Variants in TMPRSS4 observed in about 807,000 individuals in gnomAD.
The protein encoded by TMPRSS4 is transmembrane protease serine 4.
In TMPRSS4, 45 loss-of-function variants were observed where a neutral mutation model predicts 56.4. The ratio of observed to expected loss-of-function variants is 0.80; its 90% CI spans 0.63 to 1.02. TMPRSS4 has a LOEUF of 1.02. Among genes scored for constraint, TMPRSS4 ranks in the 50% least tolerant of loss-of-function variants. The pLI, the probability that TMPRSS4 is intolerant of heterozygous loss-of-function variation, is 0.00. For synonymous variants in TMPRSS4, 205 were observed against 211.0 expected (o/e 0.97, Z 0.25); for missense variants, 546 against 556.7 (o/e 0.98, Z 0.19).
At chr11:118,125,224 T>C, downstream of TMPRSS4, 1 of 455,136 alleles carries the variant, frequency 2.2e-6, no homozygotes, top group South Asian at 1.6e-5. Context: ...GTCTGTGGGG[T>C]AAATGTTGAA....
chr11:118,111,777 G>A lies in TMPRSS4; in HGVS notation c.620G>A (p.Gly207Asp), dbSNP rs1947289344. Reference protein sequence around the residue: ...GKSLKTPRVVGVEEASVDSWP... With the variant: ...GKSLKTPRVVDVEEASVDSWP... ...AGCCTGAAGACCCCCCGTGTGGTGG[G>A]TGTGGAGGAGGCCTCTGTGGATTCT... The change falls in exon 8 of 13, where the codon GGT becomes GAT. Residue 207 changes from glycine to aspartate, a missense_variant. By Grantham distance (94) the Gly-to-Asp change is moderately conservative. Transcript: ENST00000437212. 1 of 1,601,736 alleles carries A rather than the reference G, an allele frequency of 6.2e-7. No homozygotes were observed. The highest frequency in any genetic ancestry group is 8.5e-7 in the Non-Finnish European group (1 of 1,174,614).
intron 1 of TMPRSS4, among the ~76,000 whole-genome samples, chr11:118,081,309 C>T (rs549875190): frequency 1.3e-5 from 2 of 152,306 alleles, no homozygotes; most frequent in Admixed American, 6.5e-5. Context: ...TGAGCCTGCC[C>T]GGAAACCCTG....
At chr11:118,092,045 T>C (rs1946005824) in intron 1 of TMPRSS4, among the ~76,000 whole-genome samples, 1 of 151,680 alleles carries the variant, frequency 6.6e-6, no homozygotes, top group South Asian at 2.1e-4. Flanking sequence ...TGAGAAAGAG[T>C]GGCTAATTAA....
At chr11:118,099,479 GAA>G (rs112136667) in intron 3 of TMPRSS4, among the ~76,000 whole-genome samples, 3,835 of 13,280 alleles carry the variant, frequency 0.29, 147 homozygotes, top group African/African-American at 0.39. Flanking sequence ...AAGAAAGAAA[GAA>G]AAAGAAAGAA....
chr11:118,103,306 C>A (rs1946817220), intron 4 of TMPRSS4, 53 bp downstream of exon 4: 1 of 1,586,950 alleles, frequency 6.3e-7, no homozygotes, highest in Non-Finnish European at 8.6e-7. Context: ...GAGGTCTGCT[C>A]AGGCCCCCAC....
Position 118,114,890 on chromosome 11 carries a change from C to T in TMPRSS4, c.972C>T (p.Leu324=), listed in dbSNP as rs1565440776. 2 of 1,607,916 alleles carry T rather than the reference C, an allele frequency of 1.2e-6. No individual in the cohort carries two copies. The highest frequency in any genetic ancestry group is 1.7e-6 in the Non-Finnish European group (2 of 1,177,258). The change falls in exon 10 of 13, where the codon CTC becomes CTT. Residue 324 remains leucine, a synonymous_variant. Transcript: ENST00000437212. ...FDEELTPATP[L]WIIGWGFTKQ... ...AGGAGCTCACTCCAGCCACCCCACT[C>T]TGGATCATTGGATGGGGCTTTACGA...
Position 118,119,288 on chromosome 11 carries a change from G to A in TMPRSS4, c.*1375G>A, listed in dbSNP as rs12576605. ...AAACCTGGACACACTGAAGACAAGG[G>A]AGCTGAACCAGGGCTCCTACATGAA... On this transcript the variant is annotated 3_prime_UTR_variant, in exon 13 of 13. Coordinates refer to ENST00000437212, the MANE Select transcript of TMPRSS4 (RefSeq NM_019894.4). The A allele has an allele frequency of 1.5e-4, 149 of 985,226 alleles. No individual in the cohort carries two copies. Among genetic ancestry groups the A allele is most frequent in the Non-Finnish European group, 1.7e-4 (143 of 829,920 alleles). The allele number at this position is 985,226 out of a possible 1,614,324, so 61.0% of individuals were successfully genotyped here.
chr11:118,104,652 GC>G, intron 4 of TMPRSS4, 38 bp from the exon 5 acceptor site: 1 of 1,613,514 alleles, frequency 6.2e-7, no homozygotes, highest in Non-Finnish European at 8.5e-7. Flanking sequence ...GGCCAGTTGG[GC>G]CCCCCGTTCC....
At chr11:118,109,863 A>G (rs565473636) in intron 7 of TMPRSS4, among the ~76,000 whole-genome samples, 23 of 152,310 alleles carry the variant, frequency 1.5e-4, no homozygotes, top group African/African-American at 5.5e-4. Flanking sequence ...AGTGCGTGGG[A>G]TCTGACACGT....
chr11:118,114,745 C>A, intron 9 of TMPRSS4, 84 bp from the exon 10 acceptor site: 1 of 1,364,774 alleles, frequency 7.3e-7, no homozygotes, highest in Non-Finnish European at 1.0e-6. Flanking sequence ...GCAAGATCCC[C>A]ATAATCATAA....
At chr11:118,092,298 G>A (rs1565417672) in intron 1 of TMPRSS4, among the ~76,000 whole-genome samples, 1 of 152,208 alleles carries the variant, frequency 6.6e-6, no homozygotes, top group Non-Finnish European at 1.5e-5. Context: ...GTGGGAGACT[G>A]GAGTTTTATT....
chr11:118,117,569 AAC>A, intron 12 of TMPRSS4, 115 bp downstream of exon 12: 2 of 1,501,824 alleles, frequency 1.3e-6, no homozygotes, highest in Non-Finnish European at 8.9e-7. Context: ...CATCCCAAAT[AAC>A]TTTCCCTCCA....
At chr11:118,079,371 C>T (rs1944953182) in intron 1 of TMPRSS4, among the ~76,000 whole-genome samples, 1 of 152,078 alleles carries the variant, frequency 6.6e-6, no homozygotes. Context: ...GTCCTTTGAG[C>T]TGCTGCGTCT....
intron 1 of TMPRSS4, among the ~76,000 whole-genome samples, chr11:118,090,575 G>A (rs1249916837): frequency 6.8e-6 from 1 of 147,438 alleles, no homozygotes; most frequent in Non-Finnish European, 1.5e-5. Flanking sequence ...CCAGGAGTTC[G>A]AGACCAGCCT....
At chr11:118,088,189 G>A (rs913993695) in intron 1 of TMPRSS4, 1 of 152,218 alleles carries the variant, frequency 6.6e-6, no homozygotes, top group Non-Finnish European at 1.5e-5. Context: ...CCAGAAACCC[G>A]GCCCAAAGGG....
At position 118,111,776 on chromosome 11, in the gene TMPRSS4, G is replaced by A; in HGVS notation, c.619G>A (p.Gly207Ser). 6.2e-7 allele frequency: 1 copy of A among 1,600,640 alleles called. No individual in the cohort carries two copies. The highest frequency in any genetic ancestry group is 8.5e-7 in the Non-Finnish European group (1 of 1,174,276). The change falls in exon 8 of 13, where the codon GGT becomes AGT. Residue 207 changes from glycine to serine, a missense_variant. Physicochemically the swap from Gly to Ser is moderately conservative, Grantham distance 56 (BLOSUM62 0). Transcript: ENST00000437212. Reference sequence around the variant, plus strand: ...GAGCCTGAAGACCCCCCGTGTGGTGGGTGTGGAGGAGGCCTCTGTGGATTC... The same window carrying A: ...GAGCCTGAAGACCCCCCGTGTGGTGAGTGTGGAGGAGGCCTCTGTGGATTC... The part of the protein sequence containing the change: ...GKSLKTPRVV[G>S]VEEASVDSWP...
chr11:118,095,680 G>A (rs1267465271), intron 2 of TMPRSS4, among the ~76,000 whole-genome samples: 1 of 152,180 alleles, frequency 6.6e-6, no homozygotes, highest in Non-Finnish European at 1.5e-5. Flanking sequence ...CGAGGACCAG[G>A]GAGTGAACGT....
At chr11:118,125,386 G>C (rs974306215), downstream of TMPRSS4, 3 of 456,454 alleles carry the variant, frequency 6.6e-6, no homozygotes, top group East Asian at 6.9e-5. Flanking sequence ...CGGTCAGCTC[G>C]GCACACACAT....
intron 3 of TMPRSS4, chr11:118,102,897 T>G: frequency 1.7e-6 from 1 of 604,424 alleles, no homozygotes; most frequent in Non-Finnish European, 2.9e-6. Flanking sequence ...CTTGTGGGGG[T>G]GGGGCCGGTG....
Sources: allele counts gnomAD v4.1 joint callset (sites outside exome capture counted in the v4.1 genomes callset), GRCh38; gene constraint gnomAD v4.1.1; transcripts MANE v1.5; gene names NCBI Gene and HGNC (gene_info 2026-07-23, HGNC 2026-07-21).